The following DPP8 variants were observed in gnomAD, a reference collection of about 807,000 sequenced individuals.
DPP8 encodes the protein dipeptidyl peptidase 8, also known as DPP VIII.
DPP8 carries 31 observed loss-of-function variants against 107.5 expected under a neutral mutation model. The observed-to-expected ratio is 0.29, with a 90% CI of 0.22 to 0.39. DPP8 has a LOEUF of 0.39. Ranked by LOEUF, DPP8 falls within the 10% of genes least tolerant of loss-of-function variation. The pLI, the probability that DPP8 is intolerant of heterozygous loss-of-function variation, is 1.00. For missense variants in DPP8, 842 were observed against 1,076.1 expected (o/e 0.78, Z 3.04); for synonymous variants, 381 against 356.6 (o/e 1.07, Z -0.77).
In DPP8 at chr15:65,444,787, G is replaced by A. The variant is rs1257358973; in HGVS notation, c.*2097C>T. On this transcript the variant is annotated 3_prime_UTR_variant, in exon 20 of 20. Coordinates refer to ENST00000300141, the MANE Select transcript of DPP8 (RefSeq NM_130434.5). ...CTTTGAAGAAACAGCCTTAATGGGT[G>A]AGAGGTTTCAATGGAGTAGCTGCTT... 6.6e-6 allele frequency: 1 copy of A among 152,182 alleles called. No homozygotes were observed. Among genetic ancestry groups the A allele is most frequent in the Non-Finnish European group, 1.5e-5 (1 of 68,038 alleles). 9.4% of individuals were successfully genotyped at this position (152,182 alleles called of 1,614,324 possible). A position where few individuals can be genotyped will look rare whatever the true frequency, so the allele number is the denominator to read the frequency against.
intron 12 of DPP8, among the ~76,000 whole-genome samples, 182 bp from the exon 13 acceptor site, chr15:65,467,405 A>G (rs148455421): frequency 0.016 from 2,408 of 152,166 alleles, 225 homozygotes; most frequent in Admixed American, 0.15. Flanking sequence ...TAAAGAGTTG[A>G]GGTCTCACCT....
intron 19 of DPP8, among the ~76,000 whole-genome samples, chr15:65,450,072 G>A (rs2063864248): frequency 1.1e-5 from 1 of 94,436 alleles, no homozygotes; most frequent in African/African-American, 3.7e-5. Context: ...AGTTCAAGCA[G>A]TTCTCCTGCC....
chr15:65,475,505 T>C lies in DPP8; in HGVS notation c.1457-1217A>G, dbSNP rs2066304336. 5 of 1,473,332 alleles carry C rather than the reference T, an allele frequency of 3.4e-6. No homozygotes were observed. The Admixed American group carries it at 8.5e-5, about 25-fold the overall frequency. 91.3% of individuals were successfully genotyped at this position (1,473,332 alleles called of 1,614,324 possible). A position where few individuals can be genotyped will look rare whatever the true frequency, so the allele number is the denominator to read the frequency against. On this transcript the variant is annotated intron_variant, in intron 11 of 19. Coordinates refer to ENST00000300141, the MANE Select transcript of DPP8 (RefSeq NM_130434.5). ...TCTCACTCCCACATAGGCCATCACA[T>C]GACCTGCCATAAAGGCATTAAAACC...
In DPP8 at chr15:65,480,193, T is replaced by C. The variant is rs1322414709; in HGVS notation, c.1296+29A>G. On this transcript the variant is annotated intron_variant, in intron 10 of 19. Transcript: ENST00000300141. ...TTTGCTTTAGCATTCTGAGAAAATA[T>C]TTAAACAAATACAGGAAAAAATGCA... 5 of 1,579,580 alleles carry C rather than the reference T, an allele frequency of 3.2e-6. No individual in the cohort carries two copies. In the South Asian group the frequency reaches 3.4e-5, roughly 11 times the overall value.
intron 1 of DPP8, among the ~76,000 whole-genome samples, chr15:65,513,218 A>ATT (rs34004289): frequency 1.2e-3 from 174 of 147,664 alleles, no homozygotes; most frequent in African/African-American, 2.4e-3. Flanking sequence ...GTGACTCTAC[A>ATT]TTTTTTTTTT....
intron 1 of DPP8, among the ~76,000 whole-genome samples, chr15:65,513,476 T>C (rs1189192948): frequency 1.3e-5 from 2 of 152,176 alleles, no homozygotes; most frequent in Non-Finnish European, 2.9e-5. Context: ...CCTCCCAAAG[T>C]GCTGGGATTA....
intron 7 of DPP8, among the ~76,000 whole-genome samples, chr15:65,486,913 C>T (rs2067495558): frequency 6.6e-6 from 1 of 152,018 alleles, no homozygotes; most frequent in Non-Finnish European, 1.5e-5. Context: ...ACCAAAATCT[C>T]AGAAATCACC....
chr15:65,486,090 T>C (rs1449233635), intron 7 of DPP8, among the ~76,000 whole-genome samples: 1 of 100,904 alleles, frequency 9.9e-6, no homozygotes, highest in Non-Finnish European at 1.9e-5. Context: ...CGAGACTCTG[T>C]CTCAAAAAAA....
chr15:65,462,870 C>T (rs542088353), intron 15 of DPP8, among the ~76,000 whole-genome samples: 3 of 152,232 alleles, frequency 2.0e-5, no homozygotes, highest in South Asian at 4.1e-4. Flanking sequence ...TGAGCCACTG[C>T]GCCTGGCCAA....
In DPP8 at chr15:65,473,325, C is replaced by CAA. The variant is rs574732255; in HGVS notation, c.1536+882_1536+883dup. 4.1e-4 allele frequency among the ~76,000 whole-genome samples: 39 copies of CAA among 94,808 alleles called. 1 individual carries two copies. Among genetic ancestry groups the CAA allele is most frequent in the African/African-American group, 1.0e-3 (29 of 27,912 alleles). 62.2% of individuals were successfully genotyped at this position (94,808 alleles called of 152,430 possible). A position where few individuals can be genotyped will look rare whatever the true frequency, so the allele number is the denominator to read the frequency against. On this transcript the variant is annotated intron_variant, in intron 12 of 19. Coordinates refer to ENST00000300141, the MANE Select transcript of DPP8 (RefSeq NM_130434.5). ...GGGCGACAGAGTGAGACTCCATCTC[C>CAA]AAAAAAAAAAAAAAAGAAGAATAGA...
In DPP8 at chr15:65,507,329, T is replaced by C. The variant is rs1270730848; in HGVS notation, c.286A>G (p.Thr96Ala). 1 of 1,609,676 alleles carries C rather than the reference T, an allele frequency of 6.2e-7. No homozygotes were observed. The highest frequency in any genetic ancestry group is 2.2e-5 in the East Asian group (1 of 44,724). The change falls in exon 3 of 20, where the codon ACA becomes GCA. Residue 96 changes from threonine to alanine, a missense_variant. Physicochemically the swap from Thr to Ala is moderately conservative, Grantham distance 58. Coordinates refer to ENST00000300141, the MANE Select transcript of DPP8 (RefSeq NM_130434.5). ...LAMSGENREN[T>A]LFYSEIPKTI... ...TTGGGAATTTCAGAATAAAACAGTG[T>C]ATTTTCTCTGTTCTCACCAGACATG...
intron 14 of DPP8, among the ~76,000 whole-genome samples, chr15:65,465,003 T>C (rs1396111753): frequency 6.6e-6 from 1 of 152,140 alleles, no homozygotes; most frequent in East Asian, 1.9e-4. Flanking sequence ...AAAGTCATCA[T>C]TAGCTTTTGG....
At chr15:65,501,409 C>G (rs1313632489) in intron 3 of DPP8, among the ~76,000 whole-genome samples, 1 of 152,182 alleles carries the variant, frequency 6.6e-6, no homozygotes, top group African/African-American at 2.4e-5. Flanking sequence ...AGCCAGCATG[C>G]AATTAAGAGC....
At chr15:65,468,437 T>C (rs943528083) in intron 12 of DPP8, among the ~76,000 whole-genome samples, 17 of 151,494 alleles carry the variant, frequency 1.1e-4, no homozygotes, top group African/African-American at 4.1e-4. Flanking sequence ...GAAGCTGCAG[T>C]GAGCCATGAT....
At position 65,512,360 on chromosome 15, in the gene DPP8, T is replaced by C. The variant is rs1343465705; in HGVS notation, c.194A>G (p.His65Arg). 1 of 1,613,970 alleles carries C rather than the reference T, an allele frequency of 6.2e-7. No individual in the cohort carries two copies. Among genetic ancestry groups the C allele is most frequent in the African/African-American group, 1.3e-5 (1 of 74,920 alleles). ...YHGYMMAKAP[H>R]DFMFVKRNDP... The stretch of plus-strand genomic sequence containing the variant: ...ATTCCTCTTCACAAACATGAAATCA[T>C]GTGGTGCCTTAGCCATCATGTAGCC... The change falls in exon 2 of 20, where the codon CAT becomes CGT. Residue 65 changes from histidine to arginine, a missense_variant. This residue lies in a region of DPP8 where 663 missense variants were observed against 758.0 expected (regional missense o/e 0.87). Transcript: ENST00000300141.
At chr15:65,488,049 TA>T (rs2067609740) in intron 6 of DPP8, among the ~76,000 whole-genome samples, 1 of 152,192 alleles carries the variant, frequency 6.6e-6, no homozygotes, top group Non-Finnish European at 1.5e-5. Context: ...TACATATTTT[TA>T]AAACAGGGAA....
chr15:65,474,787 C>T (rs989706249), intron 11 of DPP8, among the ~76,000 whole-genome samples: 21 of 152,074 alleles, frequency 1.4e-4, no homozygotes, highest in African/African-American at 5.1e-4. Flanking sequence ...GTTAACTTAA[C>T]GTTTTATGAA....
At chr15:65,448,868 A>ATATATATGTGTGTG in intron 19 of DPP8, among the ~76,000 whole-genome samples, 1 of 5,624 alleles carries the variant, frequency 1.8e-4, no homozygotes, top group South Asian at 6.8e-3. Flanking sequence ...TATCTAAAAT[A>ATATATATGTGTGTG]TATATATATA....
chr15:65,499,107 A>G (rs112633174), intron 4 of DPP8, among the ~76,000 whole-genome samples: 629 of 52,198 alleles, frequency 0.012, 4 homozygotes, highest in East Asian at 0.043. Flanking sequence ...GTGTGTGTGT[A>G]TATATAAATT....
Sources: gnomAD v4.1 joint callset for allele counts (sites outside exome capture counted in the v4.1 genomes callset) on GRCh38, gnomAD v4.1.1 for gene constraint, gnomAD v4.1.1 regional missense constraint, MANE v1.5 for transcripts, NCBI Gene and HGNC (gene_info 2026-07-23, HGNC 2026-07-21) for gene names.